The following HOMER1 variants were observed in gnomAD, a reference collection of about 807,000 sequenced individuals.
HOMER1 encodes the protein homer scaffold protein 1.
A neutral mutation model predicts 48.9 loss-of-function variants in HOMER1; 3 were observed. The ratio of observed to expected loss-of-function variants is 0.06; its 90% CI spans 0.03 to 0.16. HOMER1 has a LOEUF of 0.16. Ranked by LOEUF, HOMER1 falls within the 10% of genes least tolerant of loss-of-function variation. HOMER1 has a pLI of 1.00. For synonymous variants in HOMER1, 134 were observed against 146.4 expected (o/e 0.92, Z 0.61); for missense variants, 247 against 411.4 (o/e 0.60, Z 3.46).
intron 2 of HOMER1, among the ~76,000 whole-genome samples, chr5:79,452,183 A>C (rs1358882915): frequency 6.6e-6 from 1 of 152,216 alleles, no homozygotes; most frequent in East Asian, 1.9e-4. Context: ...AACCTGCATA[A>C]TTCAAACCAG....
intron 1 of HOMER1, among the ~76,000 whole-genome samples, chr5:79,471,723 G>C (rs1751627004): frequency 6.6e-6 from 1 of 152,160 alleles, no homozygotes; most frequent in Non-Finnish European, 1.5e-5. Flanking sequence ...CCAGGAGGGA[G>C]AGCAACTAGA....
At position 79,436,469 on chromosome 5, in the gene HOMER1, G is replaced by A. The variant is rs577090282; in HGVS notation, c.527+2541C>T. Among the ~76,000 whole-genome samples the A allele has an allele frequency of 3.9e-5, 6 of 152,248 alleles. No homozygotes were observed. The East Asian group carries it at 1.2e-3, about 29-fold the overall frequency. ...GTTACTAATGAACTATGTGACTTACGCAACTCACCTAACCTCTGGGATTTA... is the reference window on the plus strand; with the variant it reads ...GTTACTAATGAACTATGTGACTTACACAACTCACCTAACCTCTGGGATTTA... On this transcript the variant is annotated intron_variant, in intron 5 of 8. Transcript: ENST00000334082.
At chr5:79,489,401 G>C (rs1000257693) in intron 1 of HOMER1, among the ~76,000 whole-genome samples, 17 of 151,968 alleles carry the variant, frequency 1.1e-4, no homozygotes, top group African/African-American at 4.1e-4. Context: ...GTCCTCAGTT[G>C]CCTCATTTAA....
intron 5 of HOMER1, among the ~76,000 whole-genome samples, chr5:79,423,842 T>G (rs912804458): frequency 1.3e-5 from 2 of 152,132 alleles, no homozygotes; most frequent in Non-Finnish European, 2.9e-5. Flanking sequence ...TCTAAGACTG[T>G]GAACACGACT....
chr5:79,455,412 C>T (rs549188643), intron 2 of HOMER1, among the ~76,000 whole-genome samples: 48 of 152,284 alleles, frequency 3.2e-4, no homozygotes, highest in African/African-American at 1.2e-3. Context: ...GATAGTGACT[C>T]TCACGAGATC....
At chr5:79,423,106 G>T (rs552573509) in intron 5 of HOMER1, among the ~76,000 whole-genome samples, 1 of 152,192 alleles carries the variant, frequency 6.6e-6, no homozygotes, top group Admixed American at 6.5e-5. Context: ...ATATTTCCAA[G>T]TATAGCAGTA....
At chr5:79,428,755 C>T (rs1026389799) in intron 5 of HOMER1, among the ~76,000 whole-genome samples, 1 of 152,064 alleles carries the variant, frequency 6.6e-6, no homozygotes, top group African/African-American at 2.4e-5. Context: ...GAAAACCAAA[C>T]AACATCACTG....
At chr5:79,466,804 T>G (rs1751477363) in intron 1 of HOMER1, among the ~76,000 whole-genome samples, 2 of 152,020 alleles carry the variant, frequency 1.3e-5, no homozygotes, top group Non-Finnish European at 2.9e-5. Context: ...AAAAACTATT[T>G]TTTTTTTAGA....
intron 4 of HOMER1, among the ~76,000 whole-genome samples, chr5:79,446,636 TTCTC>T (rs754731732): frequency 1.3e-5 from 2 of 151,788 alleles, no homozygotes; most frequent in African/African-American, 2.4e-5. Context: ...AAGGGTGCAT[TTCTC>T]TCTCTCTCTT....
chr5:79,412,365 T>C (rs147680940), intron 5 of HOMER1, among the ~76,000 whole-genome samples: 28 of 152,308 alleles, frequency 1.8e-4, no homozygotes, highest in South Asian at 1.7e-3. Context: ...ACTTGGAACA[T>C]TGCAGAGTGA....
Position 79,504,658 on chromosome 5 carries a change from A to G in HOMER1, c.5+8112T>C, listed in dbSNP as rs563549487. 4.6e-5 allele frequency among the ~76,000 whole-genome samples: 7 copies of G among 152,304 alleles called. No individual in the cohort carries two copies. The East Asian group carries it at 1.4e-3, about 29-fold the overall frequency. On this transcript the variant is annotated intron_variant, in intron 1 of 8. Coordinates refer to ENST00000334082, the MANE Select transcript of HOMER1 (RefSeq NM_004272.5). The stretch of plus-strand genomic sequence containing the variant: ...GGGCAGAAAATTCCAACTCACACAA[A>G]GAAAGTCTTGTTCAGAACAACTCTT...
intron 5 of HOMER1, among the ~76,000 whole-genome samples, chr5:79,433,632 G>A (rs1215556782): frequency 6.6e-6 from 1 of 152,146 alleles, no homozygotes; most frequent in Non-Finnish European, 1.5e-5. Context: ...CATTTATTCT[G>A]TTAAATATAA....
intron 5 of HOMER1, among the ~76,000 whole-genome samples, chr5:79,433,724 T>G (rs1011763395): frequency 6.6e-6 from 1 of 152,226 alleles, no homozygotes; most frequent in African/African-American, 2.4e-5. Context: ...TGAAATTTAG[T>G]TTTTGAAATT....
intron 3 of HOMER1, among the ~76,000 whole-genome samples, chr5:79,450,081 TCTCTG>T: frequency 6.6e-6 from 1 of 152,320 alleles, no homozygotes; most frequent in South Asian, 2.1e-4. Context: ...GAGCCTGATT[TCTCTG>T]CACTTGGATA....
chr5:79,493,892 T>C (rs1752353672), intron 1 of HOMER1, among the ~76,000 whole-genome samples: 1 of 152,232 alleles, frequency 6.6e-6, no homozygotes, highest in South Asian at 2.1e-4. Flanking sequence ...GACACATTTC[T>C]AGTGTCTGCT....
At chr5:79,487,528 AG>A (rs2112352235) in intron 1 of HOMER1, among the ~76,000 whole-genome samples, 1 of 152,328 alleles carries the variant, frequency 6.6e-6, no homozygotes, top group Non-Finnish European at 1.5e-5. Context: ...AACAGAACAG[AG>A]GAACATTTTA....
chr5:79,387,041 CTCCT>C (rs1181918971), intron 8 of HOMER1, among the ~76,000 whole-genome samples: 3 of 140,708 alleles, frequency 2.1e-5, no homozygotes, highest in African/African-American at 5.5e-5. Flanking sequence ...CTCCCTCCCT[CTCCT>C]TCCTTCCTTC....
chr5:79,457,753 A>G (rs1481391234), intron 1 of HOMER1, among the ~76,000 whole-genome samples: 1 of 152,200 alleles, frequency 6.6e-6, no homozygotes, highest in Non-Finnish European at 1.5e-5. Flanking sequence ...GGAACATGAC[A>G]CAGTATTTTT....
chr5:79,398,810 G>A (rs1042298164), intron 6 of HOMER1, among the ~76,000 whole-genome samples: 3 of 152,042 alleles, frequency 2.0e-5, no homozygotes, highest in Non-Finnish European at 4.4e-5. Flanking sequence ...AAATCTCCTT[G>A]TCCTAAGAAC....
Sources: gnomAD v4.1 joint callset for allele counts (sites outside exome capture counted in the v4.1 genomes callset) on GRCh38, gnomAD v4.1.1 for gene constraint, MANE v1.5 for transcripts, NCBI Gene and HGNC (gene_info 2026-07-23, HGNC 2026-07-21) for gene names.